The following IARS1 variants were observed in gnomAD, a reference collection of about 807,000 sequenced individuals.
IARS1 encodes isoleucyl-tRNA synthetase 1.
IARS1 carries 124 observed loss-of-function variants against 168.2 expected under a neutral mutation model. The observed-to-expected ratio is 0.74, with a 90% CI of 0.64 to 0.86. IARS1 has a LOEUF of 0.86. IARS1 is among the 40% of genes least tolerant of loss of function. The pLI is 0.00. For missense variants in IARS1, 1,452 were observed against 1,515.8 expected (o/e 0.96, Z 0.70); for synonymous variants, 532 against 529.4 (o/e 1.00, Z -0.07).
chr9:92,256,560 T>TA, intron 20 of IARS1, 120 bp downstream of exon 20: 3 of 1,073,228 alleles, frequency 2.8e-6, no homozygotes, highest in Non-Finnish European at 2.6e-6. Flanking sequence ...ATATGAGAGG[T>TA]AAAAGGAAAC....
At chr9:92,214,462 G>A (rs1310939827) in intron 33 of IARS1, among the ~76,000 whole-genome samples, 2 of 152,124 alleles carry the variant, frequency 1.3e-5, no homozygotes, top group South Asian at 2.1e-4. Context: ...CAACTCCCAG[G>A]GTGAGCGATG....
intron 7 of IARS1, among the ~76,000 whole-genome samples, chr9:92,280,434 C>T (rs544057165): frequency 3.2e-4 from 49 of 152,270 alleles, no homozygotes; most frequent in Middle Eastern, 6.8e-3. Flanking sequence ...TTGCTAGTAA[C>T]GACGTGATGC....
At position 92,247,422 on chromosome 9, in the gene IARS1, T is replaced by A; in HGVS notation, c.2746A>T (p.Ile916Phe). The stretch of plus-strand genomic sequence containing the variant: ...AGCTCCTCACTGCTCAACTGCTTGA[T>A]GGACGTCATCACTGCCTTAAAGGCT... ...KGAFKAVMTS[I>F]KQLSSEELEQ... is the part of the protein sequence containing the mutation. Residue 916 changes from isoleucine to phenylalanine, a missense_variant, in exon 26 of 34, where the codon ATC becomes TTC. Coordinates refer to ENST00000443024, the MANE Select transcript of IARS1 (RefSeq NM_002161.6). The A allele has an allele frequency of 6.2e-7, 1 of 1,614,202 alleles. No homozygotes were observed. The highest frequency in any genetic ancestry group is 8.5e-7 in the Non-Finnish European group (1 of 1,180,030).
At chr9:92,266,443 T>C (rs1832297210) in intron 14 of IARS1, among the ~76,000 whole-genome samples, 1 of 152,214 alleles carries the variant, frequency 6.6e-6, no homozygotes, top group African/African-American at 2.4e-5. Flanking sequence ...GTGGAGCCTA[T>C]TACTTCTAAG....
At chr9:92,224,971 A>C (rs932570892) in intron 31 of IARS1, among the ~76,000 whole-genome samples, 1 of 152,198 alleles carries the variant, frequency 6.6e-6, no homozygotes, top group African/African-American at 2.4e-5. Context: ...CACGGGCTCC[A>C]CAACATTACT....
chr9:92,267,635 A>T (rs1297069010), intron 14 of IARS1, among the ~76,000 whole-genome samples: 3 of 152,200 alleles, frequency 2.0e-5, no homozygotes, highest in Non-Finnish European at 4.4e-5. Context: ...CTGCGATTAC[A>T]TGTGGGAGCC....
At chr9:92,225,819 C>G (rs1167471261) in intron 31 of IARS1, among the ~76,000 whole-genome samples, 1 of 152,196 alleles carries the variant, frequency 6.6e-6, no homozygotes, top group East Asian at 1.9e-4. Context: ...TTATGCTAAA[C>G]AGGCTAACAT....
chr9:92,284,851 T>C (rs1402806181), intron 6 of IARS1, among the ~76,000 whole-genome samples: 1 of 152,218 alleles, frequency 6.6e-6, no homozygotes, highest in African/African-American at 2.4e-5. Flanking sequence ...GTGTTTACCA[T>C]ATCATTCTCT....
rs999614574 is a variant in IARS1, at chr9:92,223,286, A to G, written c.3553+60T>C. On this transcript the variant is annotated intron_variant, in intron 32 of 33. Coordinates refer to ENST00000443024, the MANE Select transcript of IARS1 (RefSeq NM_002161.6). Reference sequence around the variant, plus strand: ...ACTAGAAATACACACATATTTGAATATTAAAGACAACTTCAATGCCCAGCA... The same window carrying G: ...ACTAGAAATACACACATATTTGAATGTTAAAGACAACTTCAATGCCCAGCA... 9 of 1,476,134 alleles carry G rather than the reference A, an allele frequency of 6.1e-6. No homozygotes were observed. In the African/African-American group the frequency reaches 8.4e-5, roughly 14 times the overall value. 91.4% of individuals were successfully genotyped at this position (1,476,134 alleles called of 1,614,324 possible). A position where few individuals can be genotyped will look rare whatever the true frequency, so the allele number is the denominator to read the frequency against.
chr9:92,222,730 A>T, intron 32 of IARS1, 58 bp from the exon 33 acceptor site: 2 of 1,590,436 alleles, frequency 1.3e-6, no homozygotes, highest in Non-Finnish European at 1.7e-6. Context: ...TAGCTCCAAA[A>T]GAGGTGGCCA....
chr9:92,216,996 A>G (rs930144362), intron 33 of IARS1, among the ~76,000 whole-genome samples: 2 of 150,734 alleles, frequency 1.3e-5, no homozygotes, highest in African/African-American at 4.9e-5. Flanking sequence ...CACCACACCT[A>G]TTCCAAAATT....
At position 92,242,352 on chromosome 9, in the gene IARS1, T is replaced by C. The variant is rs373950398; in HGVS notation, c.3001-22A>G. ...TGCACTGAAAACACACACAGAAAAA[T>C]TTAAAAGGGAAGTACATTCTATTAA... On this transcript the variant is annotated intron_variant, in intron 28 of 33. Coordinates refer to ENST00000443024, the MANE Select transcript of IARS1 (RefSeq NM_002161.6). 10 of 1,593,660 alleles carry C rather than the reference T, an allele frequency of 6.3e-6. No homozygotes were observed. In the African/African-American group the frequency reaches 1.2e-4, roughly 19 times the overall value.
At chr9:92,253,757 C>T (rs1437851953) in intron 20 of IARS1, 2 of 514,028 alleles carry the variant, frequency 3.9e-6, no homozygotes, top group Non-Finnish European at 7.5e-6. Flanking sequence ...AGACTGCCCA[C>T]TACACAACTG....
chr9:92,291,808 G>A (rs1349306282), intron 1 of IARS1, among the ~76,000 whole-genome samples: 2 of 152,018 alleles, frequency 1.3e-5, no homozygotes. Flanking sequence ...ACATCTATGG[G>A]AGCTTATTAG....
At chr9:92,255,791 C>T (rs1830632655) in intron 20 of IARS1, among the ~76,000 whole-genome samples, 1 of 145,950 alleles carries the variant, frequency 6.9e-6, no homozygotes, top group Non-Finnish European at 1.5e-5. Flanking sequence ...TCAAGATAGG[C>T]TGAATAAGAG....
intron 30 of IARS1, among the ~76,000 whole-genome samples, chr9:92,233,410 T>G (rs1236896756): frequency 6.6e-6 from 1 of 152,254 alleles, no homozygotes; most frequent in African/African-American, 2.4e-5. Flanking sequence ...TCCTGAAAAC[T>G]ATTGTAAGCA....
At chr9:92,264,249 T>C (rs993235063) in intron 16 of IARS1, among the ~76,000 whole-genome samples, 1 of 150,876 alleles carries the variant, frequency 6.6e-6, no homozygotes, top group Non-Finnish European at 1.5e-5. Context: ...GCAGAAGAAT[T>C]GCTTGAACCC....
At chr9:92,291,993 GCTTT>G (rs1219151388) in intron 1 of IARS1, among the ~76,000 whole-genome samples, 1 of 149,978 alleles carries the variant, frequency 6.7e-6, no homozygotes, top group Non-Finnish European at 1.5e-5. Context: ...TAAGATTTAA[GCTTT>G]CTGAGAAGAG....
Position 92,260,164 on chromosome 9 carries a change from C to A in IARS1, c.1858G>T (p.Ala620Ser), listed in dbSNP as rs754942180. The change falls in exon 18 of 34, where the codon GCT (alanine) becomes TCT (serine). Residue 620 changes from alanine (A) to serine (S), a missense_variant. Ala to Ser is a moderately conservative substitution (Grantham distance 99). Coordinates refer to ENST00000443024, the MANE Select transcript of IARS1 (RefSeq NM_002161.6). ...ACTGGTTTGTACCTGAGGGCATCAG[C>A]ACCATACTTCTGGATGATGGAAACT... ...DPVSIIQKYG[A>S]DALRLYLINS... is the part of the protein sequence containing the mutation. 50 of 1,613,018 alleles carry A rather than the reference C, an allele frequency of 3.1e-5. No individual in the cohort carries two copies. The highest frequency in any genetic ancestry group is 3.8e-5 in the Non-Finnish European group (45 of 1,179,078).
Sources: allele counts gnomAD v4.1 joint callset (sites outside exome capture counted in the v4.1 genomes callset), GRCh38; gene constraint gnomAD v4.1.1; transcripts MANE v1.5; gene names NCBI Gene and HGNC (gene_info 2026-07-23, HGNC 2026-07-21).